Variants in ARID4B observed in about 807,000 individuals in gnomAD.
ARID4B encodes AT-rich interaction domain 4B.
Under a neutral mutation model 147.5 loss-of-function variants are expected in ARID4B, and 26 were observed. That is an observed-to-expected ratio of 0.18 (90% CI 0.13 to 0.24). The LOEUF (loss-of-function observed/expected upper bound fraction) is 0.24, where lower values mean the gene tolerates loss of function less well. Among genes scored for constraint, ARID4B ranks in the 10% least tolerant of loss-of-function variants. The probability of loss-of-function intolerance (pLI) is 1.00; values close to 1 mark genes in which losing one functional copy is unlikely to be tolerated. For missense variants in ARID4B, 1,179 were observed against 1,511.5 expected (o/e 0.78, Z 3.65); for synonymous variants, 512 against 507.9 (o/e 1.01, Z -0.11).
At chr1:235,200,177 G>A (rs1357488026) in intron 17 of ARID4B, among the ~76,000 whole-genome samples, 2 of 152,060 alleles carry the variant, frequency 1.3e-5, no homozygotes, top group African/African-American at 2.4e-5. Flanking sequence ...AAATTAGGCC[G>A]GGCGCAGTGG....
intron 5 of ARID4B, among the ~76,000 whole-genome samples, chr1:235,255,220 T>TATATATATATAGAGAGAG (rs1264196304): frequency 3.0e-3 from 188 of 62,386 alleles, no homozygotes; most frequent in Non-Finnish European, 3.4e-3. Flanking sequence ...TGCTGGGAGC[T>TATATATATATAGAGAGAG]AGATAGATAG....
chr1:235,302,162 A>C (rs1673201138), intron 2 of ARID4B, among the ~76,000 whole-genome samples: 1 of 144,168 alleles, frequency 6.9e-6, no homozygotes, highest in African/African-American at 2.6e-5. Context: ...GGAAAAAAAA[A>C]AAAAAAAAAA....
At chr1:235,208,315 G>C (rs1189123563) in intron 17 of ARID4B, among the ~76,000 whole-genome samples, 1 of 152,078 alleles carries the variant, frequency 6.6e-6, no homozygotes, top group Non-Finnish European at 1.5e-5. Flanking sequence ...AGAAACTTGA[G>C]AGTGAAAGGG....
intron 2 of ARID4B, among the ~76,000 whole-genome samples, chr1:235,296,846 G>GA (rs1553313982): frequency 5.7e-5 from 8 of 139,566 alleles, no homozygotes; most frequent in Non-Finnish European, 7.9e-5. Flanking sequence ...AGGGAGGAAG[G>GA]AGGGAGGGAA....
chr1:235,318,102 C>T (rs944347665), intron 2 of ARID4B, among the ~76,000 whole-genome samples: 1 of 150,008 alleles, frequency 6.7e-6, no homozygotes, highest in African/African-American at 2.5e-5. Flanking sequence ...GACAAAATGT[C>T]GTATCTTCAT....
rs1379829627 is a variant in ARID4B, at chr1:235,168,396, G to C, written c.*129C>G. 9.0e-7 allele frequency: 1 copy of C among 1,112,654 alleles called. No homozygotes were observed. The highest frequency in any genetic ancestry group is 1.2e-6 in the Non-Finnish European group (1 of 834,012). The allele number at this position is 1,112,654 out of a possible 1,614,324, so 68.9% of individuals were successfully genotyped here. ...AAAAGTGCACTTAAGTGCCAAGTCA[G>C]CTTGTCAAGAAACAATTTTTAAATA... On this transcript the variant is annotated 3_prime_UTR_variant, in exon 24 of 24. Coordinates refer to ENST00000264183, the MANE Select transcript of ARID4B (RefSeq NM_016374.6).
chr1:235,206,071 C>T (rs985625157), intron 17 of ARID4B, among the ~76,000 whole-genome samples: 2 of 152,108 alleles, frequency 1.3e-5, no homozygotes, highest in African/African-American at 4.8e-5. Context: ...AAACCAGTGG[C>T]TTTTATTTGG....
chr1:235,252,731 T>TCA lies in ARID4B; in HGVS notation c.351_352dup (p.Glu118ValfsTer4). ...TTCATTTGTTAAATGATGACTTACT[T>TCA]CACTTTCAGCAAAATGCCTCTCTCC... On this transcript the variant is annotated frameshift_variant and splice_region_variant, in exon 6 of 24. Coordinates refer to ENST00000264183, the MANE Select transcript of ARID4B (RefSeq NM_016374.6). LOFTEE classifies it high-confidence loss of function. 1 of 1,610,628 alleles carries TCA rather than the reference T, an allele frequency of 6.2e-7. No individual in the cohort carries two copies. The highest frequency in any genetic ancestry group is 8.5e-7 in the Non-Finnish European group (1 of 1,178,394).
chr1:235,291,775 A>C (rs1019474005), intron 2 of ARID4B, among the ~76,000 whole-genome samples: 4 of 152,202 alleles, frequency 2.6e-5, no homozygotes, highest in African/African-American at 9.7e-5. Context: ...AAATGAGGGG[A>C]TCTCTATGTA....
At chr1:235,303,568 G>A (rs1036062312) in intron 2 of ARID4B, among the ~76,000 whole-genome samples, 2 of 152,094 alleles carry the variant, frequency 1.3e-5, no homozygotes, top group East Asian at 1.9e-4. Flanking sequence ...TAAAAAAAAC[G>A]AGAAACAGCC....
At chr1:235,314,949 T>C (rs1674326718) in intron 2 of ARID4B, among the ~76,000 whole-genome samples, 1 of 152,208 alleles carries the variant, frequency 6.6e-6, no homozygotes, top group South Asian at 2.1e-4. Context: ...ACTAAAGTTA[T>C]CAATGACTAT....
chr1:235,211,053 G>A (rs190526214), intron 17 of ARID4B, among the ~76,000 whole-genome samples: 1 of 152,292 alleles, frequency 6.6e-6, no homozygotes, highest in East Asian at 1.9e-4. Context: ...ATAAGCCTTG[G>A]CCGGGCACGG....
intron 16 of ARID4B, among the ~76,000 whole-genome samples, chr1:235,217,425 C>CATACATGCACTCAT (rs1667165835): frequency 2.0e-5 from 3 of 150,558 alleles, no homozygotes; most frequent in South Asian, 2.1e-4. Flanking sequence ...CACTCATATA[C>CATACATGCACTCAT]ATACATACAC....
chr1:235,187,764 AAT>A (rs561789899), intron 19 of ARID4B, among the ~76,000 whole-genome samples: 67 of 152,310 alleles, frequency 4.4e-4, no homozygotes, highest in African/African-American at 1.5e-3. Flanking sequence ...AAATATTTGA[AAT>A]GTCTTCAATT....
At chr1:235,250,670 G>A (rs1033974185) in intron 6 of ARID4B, among the ~76,000 whole-genome samples, 14 of 152,044 alleles carry the variant, frequency 9.2e-5, no homozygotes, top group African/African-American at 2.7e-4. Flanking sequence ...ACACAGCTCC[G>A]GGCACATGGG....
rs973336796 is a variant in ARID4B at position 235,241,586 on chromosome 1, T to C, written c.447-1135A>G. Among the ~76,000 whole-genome samples, 3 of 152,194 alleles carry C rather than the reference T, an allele frequency of 2.0e-5. No homozygotes were observed. In the South Asian group the frequency reaches 6.2e-4, roughly 31 times the overall value. On this transcript the variant is annotated intron_variant, in intron 7 of 23. Transcript: ENST00000264183. ...CGGGCTGGAGTGCAGTGGCACCACC[T>C]TGGCTCACTGCAAGCTCCGCCTCCT...
intron 3 of ARID4B, among the ~76,000 whole-genome samples, chr1:235,257,881 T>C (rs938334291): frequency 3.3e-5 from 5 of 152,194 alleles, no homozygotes; most frequent in African/African-American, 1.2e-4. Context: ...TTTTAGGCTA[T>C]TAGGTATTAT....
At chr1:235,250,514 C>T (rs550559203) in intron 6 of ARID4B, among the ~76,000 whole-genome samples, 10 of 152,242 alleles carry the variant, frequency 6.6e-5, no homozygotes, top group Admixed American at 2.6e-4. Context: ...TCTCCTCCAA[C>T]GGAGAGTAAG....
chr1:235,323,295 C>A (rs1311604830), intron 2 of ARID4B, among the ~76,000 whole-genome samples: 1 of 151,944 alleles, frequency 6.6e-6, no homozygotes, highest in African/African-American at 2.4e-5. Context: ...CCCACCTCAG[C>A]CTCCCAAAGT....
Sources: gnomAD v4.1 joint callset for allele counts (sites outside exome capture counted in the v4.1 genomes callset) on GRCh38, gnomAD v4.1.1 for gene constraint, MANE v1.5 for transcripts, NCBI Gene and HGNC (gene_info 2026-07-23, HGNC 2026-07-21) for gene names.